Variants in SUCO observed in about 807,000 individuals in gnomAD.
SUCO encodes the protein SUN domain containing ossification factor.
SUCO carries 57 observed loss-of-function variants against 148.1 expected under a neutral mutation model. The ratio of observed to expected loss-of-function variants is 0.38; its 90% confidence interval spans 0.31 to 0.48. The LOEUF is 0.48. SUCO is among the 20% of genes least tolerant of loss of function. The probability of loss-of-function intolerance (pLI) is 0.96; values close to 1 mark genes in which losing one functional copy is unlikely to be tolerated. For missense variants in SUCO, 1,331 were observed against 1,468.2 expected, an observed-to-expected ratio of 0.91 and a Z score of 1.53; for synonymous variants, 470 against 502.7, an observed-to-expected ratio of 0.93 and a Z score of 0.87.
At chr1:172,598,979 T>C (rs952224380) in intron 19 of SUCO, among the ~76,000 whole-genome samples, 2 of 152,198 alleles carry the variant, frequency 1.3e-5, no homozygotes, top group East Asian at 3.8e-4. Flanking sequence ...TTAAAAAAGT[T>C]TTTGAATCAA....
At chr1:172,538,703 C>G (rs908369626) in intron 1 of SUCO, among the ~76,000 whole-genome samples, 10 of 151,984 alleles carry the variant, frequency 6.6e-5, no homozygotes, top group African/African-American at 2.2e-4. Flanking sequence ...ATGACCTTTA[C>G]AAAAATGATT....
chr1:172,571,139 G>T (rs575756947), intron 9 of SUCO, among the ~76,000 whole-genome samples: 1 of 152,250 alleles, frequency 6.6e-6, no homozygotes, highest in South Asian at 2.1e-4. Context: ...CTGCCATCTC[G>T]GCACACTGCA....
chr1:172,556,994 A>G, intron 4 of SUCO: 1 of 978,844 alleles, frequency 1.0e-6, no homozygotes, highest in Non-Finnish European at 1.2e-6. Flanking sequence ...ATGCTGGTAG[A>G]ATTAGTATAG....
rs1339618732 is a variant in SUCO at position 172,589,711 on chromosome 1, G to C, written c.2610G>C (p.Gln870His). 6 of 1,613,648 alleles carry C rather than the reference G, an allele frequency of 3.7e-6. No homozygotes were observed. The highest frequency in any genetic ancestry group is 4.2e-6 in the Non-Finnish European group (5 of 1,179,714). Residue 870 changes from glutamine (Q) to histidine (H), a missense_variant, in exon 18 of 24, where the codon CAG becomes CAC. This residue lies in a region of SUCO where 992 missense variants were observed against 1,093.5 expected (regional missense o/e 0.91). Coordinates refer to ENST00000263688, the MANE Select transcript of SUCO (RefSeq NM_014283.5). ...SSLPEVKEEE[Q>H]SPEDALLRGL... ...TACCTGAAGTAAAAGAAGAAGAACA[G>C]TCTCCAGAAGATGCCCTTTTGAGAG...
chr1:172,575,411 G>T, intron 10 of SUCO, 107 bp from the exon 11 acceptor site: 1 of 684,394 alleles, frequency 1.5e-6, no homozygotes. Flanking sequence ...TGTTAAGTCA[G>T]CGTGTTCACC....
chr1:172,555,817 G>A (rs1016733135), intron 3 of SUCO, 52 bp from the exon 4 acceptor site: 4 of 1,432,796 alleles, frequency 2.8e-6, no homozygotes, highest in Admixed American at 4.1e-5. Context: ...CTGCTAAAGA[G>A]ATGTTATATT....
chr1:172,600,696 ATGTGTGTGTG>A (rs61681764), intron 20 of SUCO, among the ~76,000 whole-genome samples: 184 of 148,850 alleles, frequency 1.2e-3, no homozygotes, highest in South Asian at 3.4e-3. Flanking sequence ...AGAAAATTAA[ATGTGTGTGTG>A]TGTGTGTGTG....
At chr1:172,551,440 T>G in intron 1 of SUCO, 72 bp from the exon 2 acceptor site, 1 of 914,256 alleles carries the variant, frequency 1.1e-6, no homozygotes. Context: ...AGAAATATGT[T>G]GACTTAACAA....
In SUCO at chr1:172,610,301, T is replaced by G; in HGVS notation, c.*42T>G. On this transcript the variant is annotated 3_prime_UTR_variant, in exon 24 of 24. Coordinates refer to ENST00000263688, the MANE Select transcript of SUCO (RefSeq NM_014283.5). ...CATACAGAAGACTTTTTTGTTGTTGTTCTTTGAAGAACAGTCTGTAGTATT... is the reference window on the plus strand; with the variant it reads ...CATACAGAAGACTTTTTTGTTGTTGGTCTTTGAAGAACAGTCTGTAGTATT... 1.3e-6 allele frequency: 2 copies of G among 1,531,928 alleles called. No homozygotes were observed. The highest frequency in any genetic ancestry group is 1.7e-6 in the Non-Finnish European group (2 of 1,144,348). 94.9% of individuals were successfully genotyped at this position (1,531,928 alleles called of 1,614,324 possible). A position where few individuals can be genotyped will look rare whatever the true frequency, so the allele number is the denominator to read the frequency against.
intron 6 of SUCO, among the ~76,000 whole-genome samples, chr1:172,567,870 A>G (rs1175055189): frequency 1.3e-5 from 2 of 152,188 alleles, no homozygotes; most frequent in African/African-American, 4.8e-5. Flanking sequence ...AGATTTGTAT[A>G]ATTTATGTCA....
intron 1 of SUCO, among the ~76,000 whole-genome samples, chr1:172,547,698 T>C (rs1652966989): frequency 6.6e-6 from 1 of 152,186 alleles, no homozygotes; most frequent in African/African-American, 2.4e-5. Flanking sequence ...ATGCAGGACA[T>C]GATCATAGAT....
At chr1:172,607,110 T>A (rs1230988015) in intron 22 of SUCO, among the ~76,000 whole-genome samples, 1 of 151,944 alleles carries the variant, frequency 6.6e-6, no homozygotes, top group Non-Finnish European at 1.5e-5. Flanking sequence ...ATAATTATCT[T>A]TATAGTTTGT....
intron 1 of SUCO, among the ~76,000 whole-genome samples, chr1:172,534,399 T>C (rs1240516638): frequency 6.6e-6 from 1 of 152,240 alleles, no homozygotes; most frequent in Non-Finnish European, 1.5e-5. Flanking sequence ...CTGTTTGTTA[T>C]ATTAAAATAG....
At chr1:172,588,458 T>C in intron 17 of SUCO, 1 of 985,174 alleles carries the variant, frequency 1.0e-6, no homozygotes, top group African/African-American at 1.7e-5. Flanking sequence ...ATTCAGTGAA[T>C]GGAAGTATTC....
rs541382354 is a variant in SUCO, at chr1:172,586,016, A to G, written c.1658+68A>G. 1.8e-5 allele frequency: 19 copies of G among 1,031,586 alleles called. No homozygotes were observed. The South Asian group carries it at 2.9e-4, about 16-fold the overall frequency. 63.9% of individuals were successfully genotyped at this position (1,031,586 alleles called of 1,614,324 possible). The stretch of plus-strand genomic sequence containing the variant: ...AGAGATAAGTATATTAGTATAAAAA[A>G]AGGAATTTGTGATTTGTGTGTGAAA... On this transcript the variant is annotated intron_variant, in intron 17 of 23. Coordinates refer to ENST00000263688, the MANE Select transcript of SUCO (RefSeq NM_014283.5).
At chr1:172,571,312 C>T (rs988559119) in intron 9 of SUCO, among the ~76,000 whole-genome samples, 29 of 152,346 alleles carry the variant, frequency 1.9e-4, no homozygotes, top group African/African-American at 6.7e-4. Context: ...CCGCCAGCCT[C>T]GGCCTCCCGA....
intron 1 of SUCO, among the ~76,000 whole-genome samples, chr1:172,547,316 G>A (rs1652936862): frequency 6.6e-6 from 1 of 152,144 alleles, no homozygotes; most frequent in Non-Finnish European, 1.5e-5. Flanking sequence ...ACTGCTTCCA[G>A]GTTTTCGCTA....
chr1:172,579,293 C>G (rs376646194), intron 15 of SUCO, 26 bp downstream of exon 15: 2 of 1,426,338 alleles, frequency 1.4e-6, no homozygotes, highest in African/African-American at 2.8e-5. Context: ...ATTTTCTATT[C>G]ATTCTACTAC....
intron 1 of SUCO, among the ~76,000 whole-genome samples, chr1:172,537,703 C>T (rs149314814): frequency 2.0e-5 from 3 of 152,320 alleles, no homozygotes; most frequent in African/African-American, 7.2e-5. Flanking sequence ...TCTTCCTTCA[C>T]CCCAAAGGAT....
Sources: allele counts gnomAD v4.1 joint callset (sites outside exome capture counted in the v4.1 genomes callset), GRCh38; gene constraint gnomAD v4.1.1; regional missense constraint gnomAD v4.1.1; transcripts MANE v1.5; gene names NCBI Gene and HGNC (gene_info 2026-07-23, HGNC 2026-07-21).